Variants in PCNT observed in about 807,000 individuals in gnomAD.
The protein encoded by PCNT is pericentrin, also known as kendrin.
A neutral mutation model predicts 380.4 loss-of-function variants in PCNT; 319 were observed. That is an observed-to-expected ratio of 0.84 (90% CI 0.77 to 0.92). The LOEUF is 0.92. Ranked by LOEUF, PCNT falls within the 40% of genes least tolerant of loss-of-function variation. The pLI is 0.00. For missense variants in PCNT, 4,400 were observed against 4,255.3 expected, an observed-to-expected ratio of 1.03 and a Z score of -0.95; for synonymous variants, 1,845 against 1,735.2, an observed-to-expected ratio of 1.06 and a Z score of -1.57.
intron 29 of PCNT, among the ~76,000 whole-genome samples, 169 bp downstream of exon 29, chr21:46,413,161 C>T (rs8127361): frequency 4.0e-4 from 50 of 126,316 alleles, no homozygotes; most frequent in Middle Eastern, 4.5e-3. Flanking sequence ...AGGCTGGACA[C>T]GCGGCAGCAA....
chr21:46,399,822 G>A, intron 25 of PCNT, 26 bp downstream of exon 25: 1 of 1,600,840 alleles, frequency 6.2e-7, no homozygotes, highest in South Asian at 1.1e-5. Flanking sequence ...GTTGTGGTTG[G>A]GCACGTGGTG....
Position 46,402,349 on chromosome 21 carries a change from C to A in PCNT, c.4981C>A (p.Gln1661Lys). 6.2e-7 allele frequency: 1 copy of A among 1,606,590 alleles called. No homozygotes were observed. The highest frequency in any genetic ancestry group is 8.5e-7 in the Non-Finnish European group (1 of 1,173,354). Residue 1661 changes from glutamine to lysine, a missense_variant, in exon 27 of 47, where the codon CAG (glutamine) becomes AAG (lysine). By Grantham distance (53) the Gln-to-Lys change is moderately conservative. Coordinates refer to ENST00000359568, the MANE Select transcript of PCNT (RefSeq NM_006031.6). ...ATGAAAGGTTTTGGACTTAAAAGAACAGCTAGAAAAGATGAAAGGTGACTT... is the reference window on the plus strand; with the variant it reads ...ATGAAAGGTTTTGGACTTAAAAGAAAAGCTAGAAAAGATGAAAGGTGACTT... ...RESEVLDLKE[Q>K]LEKMKGDLES... is the part of the protein sequence containing the mutation.
rs200044004 is a variant in PCNT, at chr21:46,436,046, C to T, written c.8894C>T (p.Ala2965Val). The T allele has an allele frequency of 3.4e-5, 55 of 1,613,632 alleles. No homozygotes were observed. The highest frequency in any genetic ancestry group is 1.6e-4 in the Middle Eastern group (1 of 6,084). ...GSARRAAGSD[A>V]DHLREQQREL... ...GCCCGCAGGGCTGCCGGCTCGGATG[C>T]GGACCACCTCCGGGAACAGCAGCGA... Residue 2965 changes from alanine (A) to valine (V), a missense_variant, in exon 39 of 47, where the codon GCG becomes GTG. Ala to Val is a moderately conservative substitution (Grantham distance 64). Coordinates refer to ENST00000359568, the MANE Select transcript of PCNT (RefSeq NM_006031.6).
chr21:46,390,543 TG>T, intron 19 of PCNT, 126 bp from the exon 20 acceptor site: 3 of 976,074 alleles, frequency 3.1e-6, no homozygotes, highest in Non-Finnish European at 5.0e-6. Flanking sequence ...CCCGTCACCC[TG>T]GCCTGGCCCT....
In PCNT at chr21:46,425,118, G is replaced by A. The variant is rs75662174; in HGVS notation, c.7180-713G>A. Among the ~76,000 whole-genome samples the A allele has an allele frequency of 1.3e-5, 2 of 152,232 alleles. No homozygotes were observed. The highest frequency in any genetic ancestry group is 2.9e-5 in the Non-Finnish European group (2 of 68,014). ...TGTGTGCTCATGTGGTGGTGACCGCGCTGAGCCTCTGGGCTCTGGGCTCTA... is the reference window on the plus strand; with the variant it reads ...TGTGTGCTCATGTGGTGGTGACCGCACTGAGCCTCTGGGCTCTGGGCTCTA... On this transcript the variant is annotated intron_variant, in intron 32 of 46. Transcript: ENST00000359568. This position sits in a 1 kb window ranked among gnomAD's most constrained non-coding sequence, Gnocchi z 4.2.
rs532177984 is a variant in PCNT, at chr21:46,415,534, G to A, written c.6151-535G>A. Among the ~76,000 whole-genome samples the A allele has an allele frequency of 3.0e-4, 46 of 151,938 alleles. 1 individual carries two copies. The highest frequency in any genetic ancestry group is 4.2e-4 in the South Asian group (2 of 4,806). ...CGAGTAGCTAGGATTACAGGCACCC[G>A]CCACCATGCCTGGCTAATTTTTGTA... On this transcript the variant is annotated intron_variant, in intron 29 of 46. Transcript: ENST00000359568.
At chr21:46,420,838 C>T (rs949376205) in intron 31 of PCNT, 2 of 152,268 alleles carry the variant, frequency 1.3e-5, no homozygotes, top group Admixed American at 1.3e-4. Context: ...TCAGAGATTT[C>T]TCAAACACCT....
At chr21:46,358,326 C>A (rs1374908369) in intron 13 of PCNT, among the ~76,000 whole-genome samples, 1 of 152,338 alleles carries the variant, frequency 6.6e-6, no homozygotes, top group South Asian at 2.1e-4. Flanking sequence ...CCCCTTTGCT[C>A]CTCCCTGTGA....
At chr21:46,343,839 A>C (rs949107767) in intron 3 of PCNT, among the ~76,000 whole-genome samples, 1 of 152,066 alleles carries the variant, frequency 6.6e-6, no homozygotes, top group Non-Finnish European at 1.5e-5. Context: ...TTCCTGGTCT[A>C]ATCTCGAAGG....
In PCNT at chr21:46,430,179, C is replaced by T. The variant is rs149982553; in HGVS notation, c.7860C>T (p.Ser2620=). The T allele has an allele frequency of 3.0e-5, 49 of 1,613,944 alleles. No homozygotes were observed. Among genetic ancestry groups the T allele is most frequent in the South Asian group, 3.0e-4 (27 of 91,082 alleles). ...KSDLCESRQK[S]EQLSRSLCEV... ...ACCTCTGTGAGAGCAGGCAGAAGAGCGAACAGCTGTCCCGGTCCCTCTGCG... is the reference window on the plus strand; with the variant it reads ...ACCTCTGTGAGAGCAGGCAGAAGAGTGAACAGCTGTCCCGGTCCCTCTGCG... The change falls in exon 36 of 47, where the codon AGC becomes AGT. Residue 2620 remains serine, a synonymous_variant. Coordinates refer to ENST00000359568, the MANE Select transcript of PCNT (RefSeq NM_006031.6).
At chr21:46,369,183 T>A (rs1389197880) in intron 15 of PCNT, among the ~76,000 whole-genome samples, 1 of 152,232 alleles carries the variant, frequency 6.6e-6, no homozygotes. Context: ...CAGGCCTCTG[T>A]GTCCTGTCCT....
rs532774085 is a variant in PCNT, at chr21:46,398,965, G to A, written c.4585-625G>A. ...CTCCCGAGTAGCTGGGACTACAGGT[G>A]CCCGCCACCACACCCCGCTAATTTT... On this transcript the variant is annotated intron_variant, in intron 24 of 46. Coordinates refer to ENST00000359568, the MANE Select transcript of PCNT (RefSeq NM_006031.6). 6.6e-5 allele frequency among the ~76,000 whole-genome samples: 10 copies of A among 151,736 alleles called. No individual in the cohort carries two copies. The East Asian group carries it at 1.9e-3, about 29-fold the overall frequency.
chr21:46,364,711 C>T (rs926712634), intron 14 of PCNT, among the ~76,000 whole-genome samples: 1 of 152,228 alleles, frequency 6.6e-6, no homozygotes, highest in African/African-American at 2.4e-5. Context: ...AGTCCCAGGG[C>T]TGTGCCGTTC....
intron 6 of PCNT, chr21:46,348,334 T>C: frequency 6.0e-6 from 1 of 165,608 alleles, no homozygotes; most frequent in Non-Finnish European, 1.3e-5. Flanking sequence ...GGGTAGGTGG[T>C]CCTCTCGCTT....
At chr21:46,381,342 T>C (rs926352969) in intron 15 of PCNT, among the ~76,000 whole-genome samples, 5 of 152,146 alleles carry the variant, frequency 3.3e-5, no homozygotes, top group African/African-American at 1.2e-4. Flanking sequence ...TCCAAATATC[T>C]TGGGTTTTCA....
At chr21:46,347,101 C>T in intron 5 of PCNT, 103 bp downstream of exon 5, 2 of 1,357,176 alleles carry the variant, frequency 1.5e-6, no homozygotes, top group African/African-American at 1.4e-5. Flanking sequence ...CTAGCACCGT[C>T]TCCCCATCTC....
At chr21:46,389,480 G>T (rs759436827) in intron 19 of PCNT, 49 bp downstream of exon 19, 5 of 1,458,574 alleles carry the variant, frequency 3.4e-6, no homozygotes, top group Non-Finnish European at 4.8e-6. Context: ...CAACTGAGTA[G>T]CTGATGATGC....
intron 3 of PCNT, among the ~76,000 whole-genome samples, chr21:46,337,395 C>T (rs2083781165): frequency 1.3e-5 from 2 of 152,148 alleles, no homozygotes. Flanking sequence ...TTTACAGCTC[C>T]TTTGTCTCCA....
chr21:46,425,328 A>G lies in PCNT; in HGVS notation c.7180-503A>G, dbSNP rs8134832. 0.3 allele frequency among the ~76,000 whole-genome samples: 45,065 copies of G among 152,216 alleles called. 7,983 individuals carry two copies. The highest frequency in any genetic ancestry group is 0.5 in the African/African-American group (20,784 of 41,516). ...ATGGTTTTCTCTGCTCCCCGTGCCCAGCACAGGCAGCTTCACCCCACGCTG... is the reference window on the plus strand; with the variant it reads ...ATGGTTTTCTCTGCTCCCCGTGCCCGGCACAGGCAGCTTCACCCCACGCTG... On this transcript the variant is annotated intron_variant, in intron 32 of 46. Coordinates refer to ENST00000359568, the MANE Select transcript of PCNT (RefSeq NM_006031.6). This position sits in a 1 kb window ranked among gnomAD's most constrained non-coding sequence, Gnocchi z 4.2.
Sources: gnomAD v4.1 joint callset for allele counts (sites outside exome capture counted in the v4.1 genomes callset) on GRCh38, gnomAD v4.1.1 for gene constraint, Gnocchi (gnomAD v3.1) non-coding constraint, MANE v1.5 for transcripts, NCBI Gene and HGNC (gene_info 2026-07-23, HGNC 2026-07-21) for gene names.